Variants in JUP observed in about 807,000 individuals in gnomAD.
The protein encoded by JUP is junction plakoglobin, also known as catenin (cadherin-associated protein), gamma 80kDa.
Under a neutral mutation model 71.1 loss-of-function variants are expected in JUP, and 28 were observed. The ratio of observed to expected loss-of-function variants is 0.39; its 90% confidence interval spans 0.29 to 0.54. The LOEUF (loss-of-function observed/expected upper bound fraction) is 0.54. Among genes scored for constraint, JUP ranks in the 20% least tolerant of loss-of-function variants. The probability of loss-of-function intolerance (pLI) is 0.62; values close to 1 mark genes in which losing one functional copy is unlikely to be tolerated. For missense variants in JUP, 869 were observed against 1,030.1 expected (o/e 0.84, Z 2.14); for synonymous variants, 401 against 438.9 (o/e 0.91, Z 1.08).
chr17:41,763,698 AG>A (rs1555602651), intron 7 of JUP, among the ~76,000 whole-genome samples: 1 of 152,014 alleles, frequency 6.6e-6, no homozygotes, highest in Non-Finnish European at 1.5e-5. Flanking sequence ...CGAGACCAGG[AG>A]GCAATTGTTG....
intron 7 of JUP, 88 bp downstream of exon 7, chr17:41,764,625 T>C: frequency 1.1e-6 from 1 of 906,444 alleles, no homozygotes; most frequent in Non-Finnish European, 1.7e-6. Flanking sequence ...CCCCCAGTCC[T>C]CCCACAGTAC....
rs563630559 is a variant in JUP at position 41,771,669 on chromosome 17, G to A, written c.186C>T (p.Thr62=). 4 of 1,613,872 alleles carry A rather than the reference G, an allele frequency of 2.5e-6. No individual in the cohort carries two copies. The South Asian group carries it at 3.3e-5, about 13-fold the overall frequency. Residue 62 remains threonine, a synonymous_variant, in exon 2 of 14, where the codon ACC becomes ACT. Coordinates refer to ENST00000393931, the MANE Select transcript of JUP (RefSeq NM_002230.4). The part of the protein sequence containing the change: ...QYTLKKTTTY[T]QGVPPSQGDL... ...GACCTTGGCTGGGGGGCACCCCCTG[G>A]GTGTAAGTGGTGGTTTTCTTGAGCG...
intron 1 of JUP, among the ~76,000 whole-genome samples, chr17:41,777,789 G>A (rs1236631663): frequency 4.6e-5 from 7 of 152,182 alleles, no homozygotes. Flanking sequence ...AAACAAACCC[G>A]GGTAGGAAAA....
chr17:41,769,789 T>A, intron 2 of JUP, 112 bp from the exon 3 acceptor site: 2 of 1,217,348 alleles, frequency 1.6e-6, no homozygotes, highest in Non-Finnish European at 2.3e-6. Flanking sequence ...CCTCTTGCCC[T>A]GCCCAAACCC....
intron 1 of JUP, among the ~76,000 whole-genome samples, chr17:41,776,792 G>C (rs912950767): frequency 4.4e-4 from 67 of 152,172 alleles, no homozygotes; most frequent in Admixed American, 1.6e-3. Context: ...GGATCACAAG[G>C]TCAGGAGTTT....
chr17:41,772,109 G>T (rs1391721600), intron 1 of JUP: 3 of 590,580 alleles, frequency 5.1e-6, no homozygotes, highest in Non-Finnish European at 6.1e-6. Context: ...TCCTGGGCTT[G>T]CATCTCTGAC....
chr17:41,765,142 A>G (rs1555603520), intron 5 of JUP, 75 bp from the exon 6 acceptor site: 2 of 1,405,152 alleles, frequency 1.4e-6, no homozygotes, highest in African/African-American at 2.8e-5. Flanking sequence ...GACAGGAGAC[A>G]GAACTGTCAT....
chr17:41,769,512 G>A lies in JUP; in HGVS notation c.374C>T (p.Ser125Leu), dbSNP rs782527770. ...GTAGTTGATGAGATGCACAATGGCC[G>A]ACTTGAGCAGCTGGGACGGCTCGGC... ...RLAEPSQLLK[S>L]AIVHLINYQD... The change falls in exon 3 of 14, where the codon TCG becomes TTG. Residue 125 changes from serine to leucine, a missense_variant. Coordinates refer to ENST00000393931, the MANE Select transcript of JUP (RefSeq NM_002230.4). 6.8e-6 allele frequency: 11 copies of A among 1,612,416 alleles called. No individual in the cohort carries two copies. The highest frequency in any genetic ancestry group is 4.4e-5 in the South Asian group (4 of 90,702).
Position 41,757,436 on chromosome 17 carries a change from A to G in JUP, c.2025T>C (p.His675=), listed in dbSNP as rs140670556. Residue 675 remains histidine, a synonymous_variant, in exon 12 of 14, where the codon CAT becomes CAC. Transcript: ENST00000393931. Reference sequence around the variant, plus strand: ...TCACAGCCTCCCAGGCAGCCGGGTCATGCTTGAAGAGGGAGTTGGTGAGCT... The same window carrying G: ...TCACAGCCTCCCAGGCAGCCGGGTCGTGCTTGAAGAGGGAGTTGGTGAGCT... ...SVELTNSLFK[H]DPAAWEAAQS... is the part of the protein sequence containing the mutation. The G allele has an allele frequency of 4.4e-4, 718 of 1,614,260 alleles. 5 individuals carry two copies. In the African/African-American group the frequency reaches 8.6e-3, roughly 19 times the overall value.
In JUP at chr17:41,776,670, C is replaced by T. The variant is rs560423493; in HGVS notation, c.-8-4808G>A. Reference sequence around the variant, plus strand: ...GAGGCTGCAGTGAGCCAGGATCATGCCACTCCAGCCTAGGCAACAGAGCGA... The same window carrying T: ...GAGGCTGCAGTGAGCCAGGATCATGTCACTCCAGCCTAGGCAACAGAGCGA... On this transcript the variant is annotated intron_variant, in intron 1 of 13. Transcript: ENST00000393931. Among the ~76,000 whole-genome samples the T allele has an allele frequency of 1.4e-4, 22 of 152,258 alleles. No homozygotes were observed. In the East Asian group the frequency reaches 2.1e-3, roughly 15 times the overall value.
chr17:41,769,353 C>T (rs1916215577), intron 3 of JUP, 65 bp downstream of exon 3: 2 of 1,580,556 alleles, frequency 1.3e-6, no homozygotes, highest in Admixed American at 3.5e-5. Context: ...AATGTCCCTC[C>T]CCTGAGGACA....
chr17:41,773,771 C>T (rs117337546), intron 1 of JUP, among the ~76,000 whole-genome samples: 2,316 of 152,284 alleles, frequency 0.015, 34 homozygotes, highest in Non-Finnish European at 0.02. Flanking sequence ...TGCCGCCTTC[C>T]CCAACCATTT....
intron 8 of JUP, 85 bp from the exon 9 acceptor site, chr17:41,758,955 C>A: frequency 7.2e-7 from 1 of 1,388,682 alleles, no homozygotes; most frequent in South Asian, 1.4e-5. Context: ...TCCCTTCCCT[C>A]CTTCACCTCT....
At chr17:41,757,876 T>A in intron 10 of JUP, 92 bp from the exon 11 acceptor site, 1 of 1,090,240 alleles carries the variant, frequency 9.2e-7, no homozygotes, top group Non-Finnish European at 1.3e-6. Context: ...ACCTCCACCC[T>A]GTAGCAATTC....
Position 41,758,750 on chromosome 17 carries a change from G to T in JUP, c.1618C>A (p.Arg540Ser), listed in dbSNP as rs782455234. The stretch of plus-strand genomic sequence containing the variant: ...TGCTGTGTGCCTGCAGCTACGTGGC[G>T]CTGGGCATCCTGGTGGGCCTTCACC... Reference protein sequence around the residue: ...LLVKAHQDAQRHVAAGTQQPY... With the variant: ...LLVKAHQDAQSHVAAGTQQPY... Residue 540 changes from arginine to serine, a missense_variant, in exon 9 of 14, where the codon CGC (arginine) becomes AGC (serine). Arg to Ser is a moderately radical substitution (Grantham distance 110). Coordinates refer to ENST00000393931, the MANE Select transcript of JUP (RefSeq NM_002230.4). 1 of 1,606,860 alleles carries T rather than the reference G, an allele frequency of 6.2e-7. No homozygotes were observed. The highest frequency in any genetic ancestry group is 2.2e-5 in the East Asian group (1 of 44,536).
At chr17:41,764,543 A>G (rs933960626) in intron 7 of JUP, among the ~76,000 whole-genome samples, 170 bp downstream of exon 7, 14 of 149,652 alleles carry the variant, frequency 9.4e-5, no homozygotes, top group East Asian at 3.9e-4. Flanking sequence ...AGAAAAAAAA[A>G]AAAAAAAAAA....
At chr17:41,782,880 G>T (rs1226582561) in intron 1 of JUP, among the ~76,000 whole-genome samples, 2 of 151,996 alleles carry the variant, frequency 1.3e-5, no homozygotes, top group African/African-American at 4.8e-5. Context: ...CGGATCTCCT[G>T]AAGGTCAGGA....
chr17:41,766,162 G>T (rs7405761), intron 5 of JUP, among the ~76,000 whole-genome samples: 2 of 151,880 alleles, frequency 1.3e-5, no homozygotes, highest in Non-Finnish European at 2.9e-5. Flanking sequence ...TAAGATGGGA[G>T]GAATGCTTGA....
Position 41,767,260 on chromosome 17 carries a change from G to A in JUP, c.909+119C>T, listed in dbSNP as rs1225102135. On this transcript the variant is annotated intron_variant, in intron 5 of 13. Transcript: ENST00000393931. Reference sequence around the variant, plus strand: ...GCAATTCAGTCGCATGATGAAGCATGTATATCTGCACCTATATCTCATCTA... The same window carrying A: ...GCAATTCAGTCGCATGATGAAGCATATATATCTGCACCTATATCTCATCTA... 7.7e-6 allele frequency: 6 copies of A among 780,736 alleles called. No homozygotes were observed. In the South Asian group the frequency reaches 8.8e-5, roughly 11 times the overall value. 48.4% of individuals were successfully genotyped at this position (780,736 alleles called of 1,614,324 possible).
Sources: allele counts gnomAD v4.1 joint callset (sites outside exome capture counted in the v4.1 genomes callset), GRCh38; gene constraint gnomAD v4.1.1; transcripts MANE v1.5; gene names NCBI Gene and HGNC (gene_info 2026-07-23, HGNC 2026-07-21).